The following DCAF8 variants were observed in gnomAD, a reference collection of about 807,000 sequenced individuals.
DCAF8 encodes the protein DDB1 and CUL4 associated factor 8.
Under a neutral mutation model 68.0 loss-of-function variants are expected in DCAF8, and 20 were observed. The ratio of observed to expected loss-of-function variants is 0.29; its 90% CI spans 0.21 to 0.43. DCAF8 has a LOEUF of 0.43. Ranked by LOEUF, DCAF8 falls within the 20% of genes least tolerant of loss-of-function variation. The probability of loss-of-function intolerance (pLI) is 1.00; values close to 1 mark genes in which losing one functional copy is unlikely to be tolerated. For missense variants in DCAF8, 460 were observed against 771.0 expected (o/e 0.60, Z 4.78); for synonymous variants, 230 against 276.9 (o/e 0.83, Z 1.68).
chr1:160,237,410 C>T (rs778696420), intron 5 of DCAF8, among the ~76,000 whole-genome samples, 181 bp from the exon 6 acceptor site: 7 of 152,124 alleles, frequency 4.6e-5, no homozygotes, highest in African/African-American at 9.7e-5. Context: ...TTGTTCTATG[C>T]GAATTATTTA....
At chr1:160,243,406 CT>C (rs35258380) in intron 3 of DCAF8, among the ~76,000 whole-genome samples, 5,965 of 138,932 alleles carry the variant, frequency 0.043, 199 homozygotes, top group African/African-American at 0.089. Context: ...ATGTAATCAC[CT>C]TTTTTTTTTT....
At chr1:160,220,772 T>C (rs1330026602) in intron 11 of DCAF8, 1 of 152,198 alleles carries the variant, frequency 6.6e-6, no homozygotes, top group East Asian at 1.9e-4. Flanking sequence ...ACTTCTAAGA[T>C]CTTTGGTTCT....
At chr1:160,234,405 T>C (rs1655799801) in intron 6 of DCAF8, among the ~76,000 whole-genome samples, 2 of 151,796 alleles carry the variant, frequency 1.3e-5, no homozygotes, top group Admixed American at 6.6e-5. Context: ...TTTTCTCCTT[T>C]ACCCCTCTTT....
At chr1:160,224,956 A>G in intron 9 of DCAF8, 106 bp downstream of exon 9, 1 of 1,064,380 alleles carries the variant, frequency 9.4e-7, no homozygotes, top group East Asian at 2.4e-5. Flanking sequence ...CTCTACTTGG[A>G]GCTATAGCAC....
chr1:160,250,603 A>G (rs932132092), intron 2 of DCAF8, among the ~76,000 whole-genome samples: 7 of 152,200 alleles, frequency 4.6e-5, no homozygotes, highest in Non-Finnish European at 8.8e-5. Context: ...AATGGTCAAT[A>G]TATCATAGCA....
chr1:160,230,615 A>C (rs547535219), intron 7 of DCAF8, among the ~76,000 whole-genome samples: 1 of 152,354 alleles, frequency 6.6e-6, no homozygotes, highest in African/African-American at 2.4e-5. Flanking sequence ...TCTGAATTGA[A>C]AACCAGTATT....
At chr1:160,258,705 C>A (rs1656938629) in intron 2 of DCAF8, among the ~76,000 whole-genome samples, 1 of 151,876 alleles carries the variant, frequency 6.6e-6, no homozygotes, top group South Asian at 2.1e-4. Flanking sequence ...CACTTGAGCC[C>A]AGGAGTTTGA....
At chr1:160,258,610 A>G (rs1656933506) in intron 2 of DCAF8, among the ~76,000 whole-genome samples, 1 of 151,506 alleles carries the variant, frequency 6.6e-6, no homozygotes, top group Admixed American at 6.6e-5. Flanking sequence ...AAAAAAACAA[A>G]CAAACAAAAA....
chr1:160,221,300 T>A (rs1655286110), intron 11 of DCAF8: 1 of 152,134 alleles, frequency 6.6e-6, no homozygotes, highest in South Asian at 2.1e-4. Context: ...ATTGCATAAT[T>A]CCCATTAAGA....
At position 160,240,069 on chromosome 1, in the gene DCAF8, A is replaced by G. The variant is rs1486928606; in HGVS notation, c.351T>C (p.Arg117=). The G allele has an allele frequency of 6.2e-7, 1 of 1,614,212 alleles. No homozygotes were observed. Reference sequence around the variant, plus strand: ...CACGGTTAGCCCGCTTGCGCTGTACACGGCGCCGAGGCTGCTCTTCTTCCT... The same window carrying G: ...CACGGTTAGCCCGCTTGCGCTGTACGCGGCGCCGAGGCTGCTCTTCTTCCT... ...EEEEEEQPRR[R]VQRKRANRDQ... is the part of the protein sequence containing the mutation. Residue 117 remains arginine (R), a synonymous_variant, in exon 4 of 14, where the codon CGT becomes CGC. Transcript: ENST00000368074.
At chr1:160,229,535 C>T (rs1655597809) in intron 7 of DCAF8, among the ~76,000 whole-genome samples, 1 of 152,162 alleles carries the variant, frequency 6.6e-6, no homozygotes, top group Non-Finnish European at 1.5e-5. Context: ...ATACAGCAAA[C>T]TACTACATTC....
At chr1:160,245,404 C>T (rs1656281336) in intron 2 of DCAF8, among the ~76,000 whole-genome samples, 1 of 152,218 alleles carries the variant, frequency 6.6e-6, no homozygotes, top group African/African-American at 2.4e-5. Context: ...AATCTTTCAA[C>T]AGCCCTTTCA....
At chr1:160,261,399 T>C (rs1200930259) in intron 1 of DCAF8, 41 bp from the exon 2 acceptor site, 2 of 152,234 alleles carry the variant, frequency 1.3e-5, no homozygotes, top group African/African-American at 2.4e-5. Context: ...GTGTGTCTTC[T>C]ACTGAACATA....
chr1:160,225,730 A>T, intron 7 of DCAF8, 67 bp from the exon 8 acceptor site: 1 of 1,326,850 alleles, frequency 7.5e-7, no homozygotes, highest in South Asian at 1.3e-5. Flanking sequence ...CTGCAATTTG[A>T]TGTAGTGGCA....
intron 2 of DCAF8, 58 bp from the exon 3 acceptor site, chr1:160,244,092 A>C: frequency 8.0e-7 from 1 of 1,250,332 alleles, no homozygotes; most frequent in Non-Finnish European, 1.2e-6. Flanking sequence ...GAAAGAAGAC[A>C]ATAGGGACAA....
intron 5 of DCAF8, 101 bp downstream of exon 5, chr1:160,238,506 C>A: frequency 7.5e-7 from 1 of 1,336,508 alleles, no homozygotes; most frequent in Non-Finnish European, 1.0e-6. Flanking sequence ...AGGCACATGA[C>A]CACAACAAAT....
At chr1:160,242,371 G>A (rs1321047837) in intron 3 of DCAF8, among the ~76,000 whole-genome samples, 2 of 152,114 alleles carry the variant, frequency 1.3e-5, no homozygotes, top group Non-Finnish European at 2.9e-5. Flanking sequence ...TGTTATATAT[G>A]CTACGAAAGT....
At chr1:160,261,540 T>C (rs1657088943) in intron 1 of DCAF8, 182 bp from the exon 2 acceptor site, 1 of 152,188 alleles carries the variant, frequency 6.6e-6, no homozygotes, top group East Asian at 1.9e-4. Context: ...TGAACCAACA[T>C]GAAGATTAGA....
chr1:160,237,436 T>A (rs1186267868), intron 5 of DCAF8, among the ~76,000 whole-genome samples: 2 of 152,246 alleles, frequency 1.3e-5, no homozygotes, highest in African/African-American at 4.8e-5. Context: ...TTGTTTATTC[T>A]ATAACTAGTC....
Sources: gnomAD v4.1 joint callset for allele counts (sites outside exome capture counted in the v4.1 genomes callset) on GRCh38, gnomAD v4.1.1 for gene constraint, MANE v1.5 for transcripts, NCBI Gene and HGNC (gene_info 2026-07-23, HGNC 2026-07-21) for gene names.